The following TPR variants were observed in gnomAD, a reference collection of about 807,000 sequenced individuals.
TPR encodes the protein nucleoprotein TPR.
In TPR, 51 loss-of-function variants were observed where a neutral mutation model predicts 316.1. The ratio of observed to expected loss-of-function variants is 0.16; its 90% CI spans 0.13 to 0.20. The LOEUF (loss-of-function observed/expected upper bound fraction) is 0.20, where lower values mean the gene tolerates loss of function less well. Among genes scored for constraint, TPR ranks in the 10% least tolerant of loss-of-function variants. The probability of loss-of-function intolerance (pLI) is 1.00; values close to 1 mark genes in which losing one functional copy is unlikely to be tolerated. For synonymous variants in TPR, 981 were observed against 914.7 expected, an observed-to-expected ratio of 1.07 and a Z score of -1.31; for missense variants, 2,272 against 2,754.8, an observed-to-expected ratio of 0.82 and a Z score of 3.92.
At chr1:186,343,630 C>T (rs75245566) in intron 26 of TPR, among the ~76,000 whole-genome samples, 157 bp from the exon 27 acceptor site, 3,328 of 152,172 alleles carry the variant, frequency 0.022, 56 homozygotes, top group Middle Eastern at 0.065. Context: ...TTTCTATTTT[C>T]TTTTATAGAC....
chr1:186,354,255 T>C (rs1413138898), intron 17 of TPR, among the ~76,000 whole-genome samples: 2 of 152,206 alleles, frequency 1.3e-5, no homozygotes, highest in East Asian at 3.8e-4. Context: ...AAGTTCTAAG[T>C]AAGCAAAGTA....
In TPR at chr1:186,344,080, G is replaced by C; in HGVS notation, c.3428C>G (p.Ser1143Cys). 1 of 1,612,576 alleles carries C rather than the reference G, an allele frequency of 6.2e-7. No individual in the cohort carries two copies. Among genetic ancestry groups the C allele is most frequent in the Non-Finnish European group, 8.5e-7 (1 of 1,179,498 alleles). Reference protein sequence around the residue: ...ERERMLKDEVSKCVCRCEDLE... With the variant: ...ERERMLKDEVCKCVCRCEDLE... The stretch of plus-strand genomic sequence containing the variant: ...ATCTTCACAGCGACATACACATTTG[G>C]AAACTTCATCCTGCAAGCCAAGAGT... Residue 1143 changes from serine (S) to cysteine (C), a missense_variant, in exon 26 of 51, where the codon TCC becomes TGC. Physicochemically the swap from Ser to Cys is moderately radical, Grantham distance 112. Transcript: ENST00000367478.
At chr1:186,337,946 A>G in intron 31 of TPR, 87 bp downstream of exon 31, 1 of 1,097,894 alleles carries the variant, frequency 9.1e-7, no homozygotes, top group Non-Finnish European at 1.3e-6. Context: ...GGTATCTAAA[A>G]GCTAGTAATA....
intron 4 of TPR, among the ~76,000 whole-genome samples, chr1:186,364,755 T>C (rs1332302551): frequency 1.3e-5 from 2 of 152,196 alleles, no homozygotes; most frequent in Non-Finnish European, 2.9e-5. Context: ...AAAGGTTATA[T>C]GCCTGCACCA....
Position 186,335,385 on chromosome 1 carries a change from C to G in TPR, c.4864G>C (p.Glu1622Gln). ...TCATCTCTCTGCTCAAGGTGTCTCTCTTGATGCTCCCTGAGTTCTCTTTCC... is the reference window on the plus strand; with the variant it reads ...TCATCTCTCTGCTCAAGGTGTCTCTGTTGATGCTCCCTGAGTTCTCTTTCC... ...RLERELREHQ[E>Q]RHLEQRDEPQ... The change falls in exon 34 of 51, where the codon GAG becomes CAG. Residue 1622 changes from glutamate (E) to glutamine (Q), a missense_variant. This residue lies in a region of TPR where 109 missense variants were observed against 215.3 expected (regional missense o/e 0.51). Transcript: ENST00000367478. 1 of 1,613,756 alleles carries G rather than the reference C, an allele frequency of 6.2e-7. No homozygotes were observed. Among genetic ancestry groups the G allele is most frequent in the Non-Finnish European group, 8.5e-7 (1 of 1,179,738 alleles).
rs998321684 is a variant in TPR at position 186,313,622 on chromosome 1, T to C, written c.*349A>G. On this transcript the variant is annotated 3_prime_UTR_variant, in exon 51 of 51. Transcript: ENST00000367478. ...TGAGCATAATAGTCAACATAAGTTA[T>C]TTTTTAGTTTGGGCATTGTTTTCTT... The C allele has an allele frequency of 9.0e-5, 90 of 994,716 alleles. No individual in the cohort carries two copies. Among genetic ancestry groups the C allele is most frequent in the Admixed American group, 3.9e-4 (23 of 58,916 alleles). 61.6% of individuals were successfully genotyped at this position (994,716 alleles called of 1,614,324 possible). A position where few individuals can be genotyped will look rare whatever the true frequency, so the allele number is the denominator to read the frequency against.
At chr1:186,362,474 C>G in intron 6 of TPR, 94 bp from the exon 7 acceptor site, 1 of 869,946 alleles carries the variant, frequency 1.1e-6, no homozygotes, top group Non-Finnish European at 1.8e-6. Flanking sequence ...AGCTAAGTAA[C>G]TCCCCCTCCC....
At position 186,318,501 on chromosome 1, in the gene TPR, T is replaced by C; in HGVS notation, c.6767A>G (p.Glu2256Gly). Residue 2256 changes from glutamate to glycine, a missense_variant, in exon 48 of 51, where the codon GAA becomes GGA. Around this residue, in one of 10 missense-constraint regions of TPR, gnomAD observed 123 missense variants for 142.3 expected, o/e 0.86. Transcript: ENST00000367478. ...TSTGTLSTTN[E>G]TATGDDGDEV... is the part of the protein sequence containing the mutation. ...ATCTCCATCATCACCTGTTGCTGTT[T>C]CATTTGTTGTAGATAAAGTGCCAGT... 1 of 1,613,964 alleles carries C rather than the reference T, an allele frequency of 6.2e-7. No homozygotes were observed. Among genetic ancestry groups the C allele is most frequent in the African/African-American group, 1.3e-5 (1 of 75,036 alleles).
intron 2 of TPR, among the ~76,000 whole-genome samples, chr1:186,371,498 A>T (rs1571643980): frequency 6.6e-6 from 1 of 152,186 alleles, no homozygotes; most frequent in East Asian, 1.9e-4. Flanking sequence ...TTATCACTCT[A>T]AATAGAGCCT....
At position 186,375,003 on chromosome 1, in the gene TPR, A is replaced by C. The variant is rs778642248; in HGVS notation, c.26T>G (p.Leu9Arg). ...CAGCTTGTTCAGCTCCGTGCGCTCC[A>C]GGACTTGCTGCAACACCGCCGCCAT... is the stretch of plus-strand genomic sequence containing the variant. MAAVLQQV[L>R]ERTELNKLPK... is the part of the protein sequence containing the mutation. Residue 9 changes from leucine (L) to arginine (R), a missense_variant, in exon 1 of 51, where the codon CTG becomes CGG. Physicochemically the swap from Leu to Arg is moderately radical, Grantham distance 102 (BLOSUM62 -2). This residue lies in a region of TPR where 549 missense variants were observed against 598.6 expected (regional missense o/e 0.92). Transcript: ENST00000367478. 6.2e-7 allele frequency: 1 copy of C among 1,613,980 alleles called. No homozygotes were observed. The highest frequency in any genetic ancestry group is 8.5e-7 in the Non-Finnish European group (1 of 1,180,046).
intron 39 of TPR, 48 bp downstream of exon 39, chr1:186,331,450 C>A: frequency 7.5e-7 from 1 of 1,338,858 alleles, no homozygotes; most frequent in Admixed American, 2.1e-5. Flanking sequence ...AAGCTAATTT[C>A]ATTCACGAAA....
At chr1:186,348,564 CT>C (rs1658753452) in intron 21 of TPR, among the ~76,000 whole-genome samples, 1 of 152,156 alleles carries the variant, frequency 6.6e-6, no homozygotes, top group Non-Finnish European at 1.5e-5. Flanking sequence ...TTTGCACCTA[CT>C]CTCTGTTCTT....
Position 186,320,226 on chromosome 1 carries a change from G to T in TPR, c.6568+86C>A, listed in dbSNP as rs568830761. On this transcript the variant is annotated intron_variant, in intron 46 of 50. Coordinates refer to ENST00000367478, the MANE Select transcript of TPR (RefSeq NM_003292.3). ...ATCAATTTTAAAAATATTCATATTT[G>T]CTCTTTTTCCCCCCTTAAATCACAT... 4 of 1,101,078 alleles carry T rather than the reference G, an allele frequency of 3.6e-6. No individual in the cohort carries two copies. The East Asian group carries it at 1.1e-4, about 31-fold the overall frequency. The allele number at this position is 1,101,078 out of a possible 1,614,324, so 68.2% of individuals were successfully genotyped here.
chr1:186,357,295 T>C lies in TPR; in HGVS notation c.1724+102A>G, dbSNP rs574257235. 1.7e-5 allele frequency: 19 copies of C among 1,135,560 alleles called. No individual in the cohort carries two copies. The African/African-American group carries it at 2.6e-4, about 16-fold the overall frequency. 70.3% of individuals were successfully genotyped at this position (1,135,560 alleles called of 1,614,324 possible). A position where few individuals can be genotyped will look rare whatever the true frequency, so the allele number is the denominator to read the frequency against. On this transcript the variant is annotated intron_variant, in intron 14 of 50. Coordinates refer to ENST00000367478, the MANE Select transcript of TPR (RefSeq NM_003292.3). ...CCTCCTGGGCTCAAATGATACCCCATTTAGGCCTCCCAAAACGTTGGGATT... is the reference window on the plus strand; with the variant it reads ...CCTCCTGGGCTCAAATGATACCCCACTTAGGCCTCCCAAAACGTTGGGATT...
chr1:186,318,620 C>T lies in TPR; in HGVS notation c.6665-17G>A, dbSNP rs1358818006. 6.2e-7 allele frequency: 1 copy of T among 1,603,698 alleles called. No individual in the cohort carries two copies. Among genetic ancestry groups the T allele is most frequent in the African/African-American group, 1.3e-5 (1 of 74,112 alleles). ...ATACAGTCACTTTAAAAAGACAACA[C>T]AAGAAAAAGAACTTTAAAACTTTGT... On this transcript the variant is annotated splice_polypyrimidine_tract_variant and intron_variant, in intron 47 of 50. Transcript: ENST00000367478.
chr1:186,346,243 C>T lies in TPR; in HGVS notation c.2988G>A (p.Glu996=). Residue 996 remains glutamate, a synonymous_variant, in exon 23 of 51, where the codon GAG becomes GAA. Coordinates refer to ENST00000367478, the MANE Select transcript of TPR (RefSeq NM_003292.3). ...VRKNIEVRLK[E]SAEFQTQLEK... ...CCAACTGTGTCTGAAATTCAGCTGA[C>T]TCTTTTAAACGAACTTCAATATTCT... The T allele has an allele frequency of 6.2e-7, 1 of 1,613,196 alleles. No homozygotes were observed. Among genetic ancestry groups the T allele is most frequent in the Non-Finnish European group, 8.5e-7 (1 of 1,179,660 alleles).
chr1:186,365,979 CAT>C (rs1414577750), intron 4 of TPR, among the ~76,000 whole-genome samples: 1 of 152,190 alleles, frequency 6.6e-6, no homozygotes, highest in Non-Finnish European at 1.5e-5. Flanking sequence ...TGTCAGAAAA[CAT>C]ATTGGTAACA....
In TPR at chr1:186,331,581, C is replaced by T; in HGVS notation, c.5605G>A (p.Glu1869Lys). ...GTACTTTCTTCTGCCATAACTTCTTCCTGTATCATAATACACTAATATATT... is the reference window on the plus strand; with the variant it reads ...GTACTTTCTTCTGCCATAACTTCTTTCTGTATCATAATACACTAATATATT... ...LKSVTPVGTE[E>K]EVMAEESTDG... is the part of the protein sequence containing the mutation. Residue 1869 changes from glutamate (E) to lysine (K), a missense_variant and splice_region_variant, in exon 39 of 51, where the codon GAA (glutamate) becomes AAA (lysine). Physicochemically the swap from Glu to Lys is moderately conservative, Grantham distance 56 (BLOSUM62 1). This residue lies in a region of TPR where 435 missense variants were observed against 461.1 expected (regional missense o/e 0.94). Transcript: ENST00000367478. 2 of 1,604,060 alleles carry T rather than the reference C, an allele frequency of 1.2e-6. No individual in the cohort carries two copies. The highest frequency in any genetic ancestry group is 1.7e-6 in the Non-Finnish European group (2 of 1,174,234).
chr1:186,316,775 T>C (rs1438408513), intron 49 of TPR, among the ~76,000 whole-genome samples: 1 of 152,176 alleles, frequency 6.6e-6, no homozygotes, highest in Non-Finnish European at 1.5e-5. Flanking sequence ...AAAATGTGGA[T>C]GAATATCTAC....
Sources: gnomAD v4.1 joint callset for allele counts (sites outside exome capture counted in the v4.1 genomes callset) on GRCh38, gnomAD v4.1.1 for gene constraint, gnomAD v4.1.1 regional missense constraint, MANE v1.5 for transcripts, NCBI Gene and HGNC (gene_info 2026-07-23, HGNC 2026-07-21) for gene names.